Variants in CTBP2 observed in about 807,000 individuals in gnomAD.
CTBP2 encodes C-terminal-binding protein 2.
In CTBP2, 30 loss-of-function variants were observed where a neutral mutation model predicts 80.3. The ratio of observed to expected loss-of-function variants is 0.37; its 90% CI spans 0.28 to 0.51. The LOEUF (loss-of-function observed/expected upper bound fraction) is 0.51, where lower values mean the gene tolerates loss of function less well. Ranked by LOEUF, CTBP2 falls within the 20% of genes least tolerant of loss-of-function variation. The pLI, the probability that CTBP2 is intolerant of heterozygous loss-of-function variation, is 0.93. For synonymous variants in CTBP2, 594 were observed against 587.4 expected, an observed-to-expected ratio of 1.01 and a Z score of -0.16; for missense variants, 1,212 against 1,375.3, an observed-to-expected ratio of 0.88 and a Z score of 1.88.
rs576354289 is a variant in CTBP2 at position 125,026,674 on chromosome 10, G to C, written c.1086C>G (p.Gly362=). ...TGCTGGACCGCGCCCGGGGCAGCGG[G>C]CCCCCCCGGTCCTGCCTCCGCAGCT... is the stretch of plus-strand genomic sequence containing the variant. Residue 362 remains glycine, a synonymous_variant, in exon 1 of 9, where the codon GGC becomes GGG. Coordinates refer to ENST00000309035, the MANE Select transcript of CTBP2 (RefSeq NM_022802.3). 14 of 1,606,344 alleles carry C rather than the reference G, an allele frequency of 8.7e-6. No individual in the cohort carries two copies. In the African/African-American group the frequency reaches 9.4e-5, roughly 11 times the overall value.
chr10:125,043,539 C>A (rs1205582464), intron 2 of CTBP2, among the ~76,000 whole-genome samples: 1 of 152,180 alleles, frequency 6.6e-6, no homozygotes, highest in African/African-American at 2.4e-5. Flanking sequence ...CAGGTTCACG[C>A]CATTCTCCTC....
Position 125,004,904 on chromosome 10 carries a change from TG to T in CTBP2, c.1679-1413del, listed in dbSNP as rs376131232. On this transcript the variant is annotated intron_variant, in intron 1 of 8. Coordinates refer to ENST00000309035, the MANE Select transcript of CTBP2 (RefSeq NM_022802.3). ...TCCACAAAGGCCAACTTCATCTGTG[TG>T]GCCTCGCCTTCCATCCCTAACCTCC... 8.3e-4 allele frequency among the ~76,000 whole-genome samples: 126 copies of T among 152,330 alleles called. 1 individual carries two copies. In the South Asian group the frequency reaches 0.025, roughly 31 times the overall value.
intron 1 of CTBP2, among the ~76,000 whole-genome samples, chr10:125,151,759 T>C (rs895957161): frequency 6.6e-6 from 1 of 152,004 alleles, no homozygotes; most frequent in Non-Finnish European, 1.5e-5. Flanking sequence ...TCCCGCGTGG[T>C]CTCGAGGCTC....
chr10:125,004,073 A>G (rs114888341), intron 1 of CTBP2, among the ~76,000 whole-genome samples: 2,378 of 152,326 alleles, frequency 0.016, 55 homozygotes, highest in African/African-American at 0.054. Flanking sequence ...CTCTCTAGAC[A>G]GGCCAGAGCC....
intron 7 of CTBP2, 50 bp downstream of exon 9, chr10:124,993,152 C>A: frequency 6.4e-7 from 1 of 1,570,578 alleles, no homozygotes; most frequent in South Asian, 1.1e-5. Context: ...GCCGGCTGCA[C>A]TGTGGAGCTG....
intron 3 of CTBP2, chr10:125,000,102 C>T (rs779276569): frequency 6.6e-6 from 1 of 152,362 alleles, no homozygotes; most frequent in Non-Finnish European, 1.5e-5. Flanking sequence ...TCTCACCGAA[C>T]TTGGACATTC....
intron 2 of CTBP2, among the ~76,000 whole-genome samples, chr10:125,095,316 T>C (rs576167129): frequency 1.3e-5 from 2 of 152,158 alleles, no homozygotes; most frequent in South Asian, 4.2e-4. Context: ...TGAATGCAAA[T>C]ACTCAGCATC....
intron 2 of CTBP2, among the ~76,000 whole-genome samples, chr10:125,051,895 A>G (rs1217450124): frequency 6.6e-6 from 1 of 152,154 alleles, no homozygotes; most frequent in African/African-American, 2.4e-5. Context: ...GGACACTTAG[A>G]CACAGACAGG....
chr10:125,028,703 G>A (rs1021228866), upstream of CTBP2, among the ~76,000 whole-genome samples: 6 of 152,234 alleles, frequency 3.9e-5, 1 homozygote, highest in African/African-American at 1.4e-4. Context: ...GAGGTCACAG[G>A]AACAGGAGGA....
intron 1 of CTBP2, among the ~76,000 whole-genome samples, chr10:125,135,888 T>A (rs1449805950): frequency 6.6e-6 from 1 of 152,168 alleles, no homozygotes; most frequent in Non-Finnish European, 1.5e-5. Context: ...CCTTCTGCCC[T>A]CTGACCCTGC....
upstream of CTBP2, among the ~76,000 whole-genome samples, chr10:125,030,252 T>C (rs919942286): frequency 1.3e-5 from 2 of 152,106 alleles, no homozygotes; most frequent in Admixed American, 1.3e-4. Context: ...ATTAGAGTAA[T>C]ACATCTCACG....
intron 1 of CTBP2, among the ~76,000 whole-genome samples, chr10:125,120,428 C>T (rs1164807908): frequency 6.6e-6 from 1 of 152,176 alleles, no homozygotes; most frequent in Non-Finnish European, 1.5e-5. Flanking sequence ...ACCCTGTTGC[C>T]CAGGTTGGAG....
chr10:125,009,986 C>G (rs1244869624), intron 1 of CTBP2, among the ~76,000 whole-genome samples: 4 of 152,202 alleles, frequency 2.6e-5, no homozygotes, highest in Non-Finnish European at 4.4e-5. Flanking sequence ...GTTGGCTGAT[C>G]TGGAAAGTGA....
At chr10:124,997,056 C>CG in intron 4 of CTBP2, 1 of 152,596 alleles carries the variant, frequency 6.6e-6, no homozygotes, top group East Asian at 1.9e-4. Flanking sequence ...GAGAGGAGCA[C>CG]GGGGGCTTCG....
At chr10:125,024,017 A>AGTG (rs1416556573) in intron 1 of CTBP2, among the ~76,000 whole-genome samples, 1 of 152,208 alleles carries the variant, frequency 6.6e-6, no homozygotes, top group Non-Finnish European at 1.5e-5. Context: ...CTGGATTTCC[A>AGTG]GATGGCCGCG....
intron 8 of CTBP2, among the ~76,000 whole-genome samples, chr10:124,991,918 C>G (rs1250382623): frequency 6.8e-6 from 1 of 146,528 alleles, no homozygotes; most frequent in Non-Finnish European, 1.5e-5. Flanking sequence ...GGGAGAAAAC[C>G]GATTCGTGCA....
intron 3 of CTBP2, chr10:124,998,390 G>C (rs1953954667): frequency 1.7e-6 from 1 of 591,464 alleles, no homozygotes; most frequent in African/African-American, 1.9e-5. Context: ...TCCCAAGGAG[G>C]ACTTTTGCTC....
chr10:125,033,753 T>C (rs563730694), intron 3 of CTBP2, among the ~76,000 whole-genome samples: 2 of 151,918 alleles, frequency 1.3e-5, no homozygotes, highest in Non-Finnish European at 2.9e-5. Context: ...AAACTAGAGA[T>C]GCTCTTTTCC....
At chr10:125,055,225 G>C (rs1963637679) in intron 2 of CTBP2, among the ~76,000 whole-genome samples, 1 of 152,196 alleles carries the variant, frequency 6.6e-6, no homozygotes, top group African/African-American at 2.4e-5. Context: ...AGAGCATGTA[G>C]GTAAATATTG....
Sources: gnomAD v4.1 joint callset for allele counts (sites outside exome capture counted in the v4.1 genomes callset) on GRCh38, gnomAD v4.1.1 for gene constraint, MANE v1.5 for transcripts, NCBI Gene and HGNC (gene_info 2026-07-23, HGNC 2026-07-21) for gene names.